DHX9: variants seen among roughly 807,000 people sequenced by gnomAD.
The protein encoded by DHX9 is DExH-box helicase 9.
DHX9 carries 27 observed loss-of-function variants against 148.7 expected under a neutral mutation model. That is an observed-to-expected ratio of 0.18 (90% CI 0.13 to 0.25). The LOEUF is 0.25. Among genes scored for constraint, DHX9 ranks in the 10% least tolerant of loss-of-function variants. DHX9 has a pLI of 1.00. For missense variants in DHX9, 796 were observed against 1,559.6 expected, an observed-to-expected ratio of 0.51 and a Z score of 8.25; for synonymous variants, 529 against 516.6, an observed-to-expected ratio of 1.02 and a Z score of -0.33.
chr1:182,872,107 A>G (rs1361977365), intron 14 of DHX9, among the ~76,000 whole-genome samples: 4 of 152,218 alleles, frequency 2.6e-5, no homozygotes, highest in Admixed American at 1.3e-4. Context: ...GGCCTGGCCA[A>G]TAGCACTCAT....
At chr1:182,841,308 A>G (rs1453652298) in intron 1 of DHX9, among the ~76,000 whole-genome samples, 4 of 152,154 alleles carry the variant, frequency 2.6e-5, no homozygotes. Context: ...AAAAGAGAGA[A>G]AAGACTAAAG....
In DHX9 at chr1:182,860,197, C is replaced by A. The variant is rs370848857; in HGVS notation, c.1332+13C>A. The A allele has an allele frequency of 1.3e-5, 20 of 1,559,874 alleles. No homozygotes were observed. Among genetic ancestry groups the A allele is most frequent in the Middle Eastern group, 1.7e-4 (1 of 5,878 alleles). ...CGTAGTAACTCAGGTAAGTGGTAAACCAACCATGAAATACCTAGAGAGCAG... is the reference window on the plus strand; with the variant it reads ...CGTAGTAACTCAGGTAAGTGGTAAAACAACCATGAAATACCTAGAGAGCAG... On this transcript the variant is annotated intron_variant, in intron 12 of 27. Transcript: ENST00000367549.
intron 5 of DHX9, 26 bp downstream of exon 5, chr1:182,853,444 C>T (rs775657037): frequency 1.3e-6 from 2 of 1,539,094 alleles, no homozygotes; most frequent in Admixed American, 1.8e-5. Flanking sequence ...TAGGTTACAT[C>T]TCTGAGAATG....
At chr1:182,852,043 G>C (rs544617834) in intron 3 of DHX9, among the ~76,000 whole-genome samples, 190 bp from the exon 4 acceptor site, 2 of 152,272 alleles carry the variant, frequency 1.3e-5, no homozygotes. Flanking sequence ...CAGTGGATTA[G>C]GGGAAACAAC....
intron 15 of DHX9, among the ~76,000 whole-genome samples, chr1:182,873,682 A>G (rs921022436): frequency 7.2e-5 from 11 of 152,346 alleles, no homozygotes; most frequent in African/African-American, 2.6e-4. Flanking sequence ...GTGTGGATAC[A>G]TGTGTTAGTA....
intron 14 of DHX9, among the ~76,000 whole-genome samples, chr1:182,867,910 CTT>C (rs1648373515): frequency 6.6e-6 from 1 of 152,194 alleles, no homozygotes; most frequent in African/African-American, 2.4e-5. Context: ...AGTATAGTGA[CTT>C]TCAAAGGTTT....
rs1279202399 is a variant in DHX9 at position 182,839,396 on chromosome 1, C to T, written c.-83C>T. The T allele has an allele frequency of 6.6e-6, 1 of 152,354 alleles. No homozygotes were observed. The allele number at this position is 152,354 out of a possible 1,614,324, so 9.4% of individuals were successfully genotyped here. A position where few individuals can be genotyped will look rare whatever the true frequency, so the allele number is the denominator to read the frequency against. ...GAGTTGCTGTGCGTTTCTCTGTTGT[C>T]TCGGTAGAAGGCCAGAGTCACACAC... On this transcript the variant is annotated 5_prime_UTR_variant, in exon 1 of 28. Coordinates refer to ENST00000367549, the MANE Select transcript of DHX9 (RefSeq NM_001357.5).
Position 182,876,516 on chromosome 1 carries a change from A to T in DHX9, c.2099A>T (p.Asp700Val). The change falls in exon 18 of 28, where the codon GAT becomes GTT. Residue 700 changes from aspartate (D) to valine (V), a missense_variant. Asp to Val is a radical substitution (Grantham distance 152, BLOSUM62 -3). Transcript: ENST00000367549. ...IPREEQRKVFDPVPVGVTKVI... is the reference protein window; with the variant it reads ...IPREEQRKVFVPVPVGVTKVI... Reference sequence around the variant, plus strand: ...CGAGAGGAACAGCGCAAAGTGTTTGATCCAGTACCAGTTGGAGTAACCAAG... The same window carrying T: ...CGAGAGGAACAGCGCAAAGTGTTTGTTCCAGTACCAGTTGGAGTAACCAAG... The T allele has an allele frequency of 6.2e-7, 1 of 1,612,444 alleles. No individual in the cohort carries two copies. The highest frequency in any genetic ancestry group is 8.5e-7 in the Non-Finnish European group (1 of 1,179,710).
chr1:182,878,952 A>G (rs1648954696), intron 20 of DHX9, among the ~76,000 whole-genome samples: 1 of 152,262 alleles, frequency 6.6e-6, no homozygotes, highest in Non-Finnish European at 1.5e-5. Flanking sequence ...GTCAACAGGC[A>G]AGGCCTGAAG....
Position 182,876,195 on chromosome 1 carries a change from T to G in DHX9, c.1961T>G (p.Leu654Trp). Residue 654 changes from leucine to tryptophan, a missense_variant, in exon 17 of 28, where the codon TTG becomes TGG. Leu to Trp is a moderately conservative substitution (Grantham distance 61). Transcript: ENST00000367549. ...ACCCTTAATGTTCCTGGAGCTGTGT[T>G]GGTTTTTTTGCCTGGCTGGAATCTG... ...IETLNVPGAV[L>W]VFLPGWNLIY... The G allele has an allele frequency of 6.2e-7, 1 of 1,614,016 alleles. No individual in the cohort carries two copies. The highest frequency in any genetic ancestry group is 8.5e-7 in the Non-Finnish European group (1 of 1,179,898).
chr1:182,845,176 G>A (rs919657131), intron 3 of DHX9, among the ~76,000 whole-genome samples: 7 of 152,192 alleles, frequency 4.6e-5, no homozygotes, highest in East Asian at 1.9e-4. Context: ...TAAAATGAAG[G>A]GATTGGGCAA....
At position 182,876,348 on chromosome 1, in the gene DHX9, T is replaced by G. The variant is rs928853856; in HGVS notation, c.2029+85T>G. On this transcript the variant is annotated intron_variant, in intron 17 of 27. Transcript: ENST00000367549. Reference sequence around the variant, plus strand: ...TTAGCCAGTATGTGAAAACAAAATTTTGTATTGTTTCTACTTTCGAATAAA... The same window carrying G: ...TTAGCCAGTATGTGAAAACAAAATTGTGTATTGTTTCTACTTTCGAATAAA... The G allele has an allele frequency of 3.2e-6, 5 of 1,564,068 alleles. No homozygotes were observed. In the African/African-American group the frequency reaches 4.1e-5, roughly 13 times the overall value.
rs776678307 is a variant in DHX9, at chr1:182,843,340, A to G, written c.158A>G (p.Asn53Ser). 6 of 1,610,262 alleles carry G rather than the reference A, an allele frequency of 3.7e-6. No homozygotes were observed. The highest frequency in any genetic ancestry group is 1.1e-5 in the South Asian group (1 of 90,384). The change falls in exon 3 of 28, where the codon AAT becomes AGT. Residue 53 changes from asparagine (N) to serine (S), a missense_variant. Transcript: ENST00000367549. The stretch of plus-strand genomic sequence containing the variant: ...TACACTGGCATGGGAAATTCCACCA[A>G]TAAAAAAGATGCACAAAGCAATGCT... ...YNYTGMGNST[N>S]KKDAQSNAAR...
intron 11 of DHX9, among the ~76,000 whole-genome samples, chr1:182,859,331 G>C (rs1389214372): frequency 1.3e-5 from 2 of 152,172 alleles, no homozygotes; most frequent in African/African-American, 4.8e-5. Context: ...AATAAAAGTG[G>C]AGAGATTTAA....
chr1:182,877,904 C>T (rs1468308695), intron 19 of DHX9, 117 bp from the exon 20 acceptor site: 1 of 1,123,300 alleles, frequency 8.9e-7, no homozygotes, highest in Non-Finnish European at 1.3e-6. Context: ...CATGAATAGA[C>T]ATCACAAGTA....
At position 182,877,096 on chromosome 1, in the gene DHX9, C is replaced by T. The variant is rs1471362976; in HGVS notation, c.2198+193C>T. 16 of 473,290 alleles carry T rather than the reference C, an allele frequency of 3.4e-5. 1 individual carries two copies. Among genetic ancestry groups the T allele is most frequent in the South Asian group, 1.3e-4 (4 of 30,008 alleles). 29.3% of individuals were successfully genotyped at this position (473,290 alleles called of 1,614,324 possible). A position where few individuals can be genotyped will look rare whatever the true frequency, so the allele number is the denominator to read the frequency against. On this transcript the variant is annotated intron_variant, in intron 19 of 27. Coordinates refer to ENST00000367549, the MANE Select transcript of DHX9 (RefSeq NM_001357.5). The stretch of plus-strand genomic sequence containing the variant: ...ATTGTTGATTACTGCAAATCAGTTA[C>T]GGTAGAAAGTGACAAAGCTTGAAAC...
intron 12 of DHX9, among the ~76,000 whole-genome samples, chr1:182,862,779 A>G (rs544489821): frequency 1.3e-5 from 2 of 152,256 alleles, no homozygotes; most frequent in African/African-American, 2.4e-5. Context: ...AGAGGTGTAC[A>G]TTAAAGGTAT....
intron 3 of DHX9, among the ~76,000 whole-genome samples, chr1:182,850,308 A>T (rs1490588647): frequency 6.6e-6 from 1 of 152,182 alleles, no homozygotes; most frequent in Non-Finnish European, 1.5e-5. Context: ...GTCTCAAAAA[A>T]AAGAAAAATG....
At chr1:182,841,071 CAAGAGGTCAG>C (rs572511361) in intron 1 of DHX9, among the ~76,000 whole-genome samples, 5 of 152,218 alleles carry the variant, frequency 3.3e-5, no homozygotes, top group Admixed American at 6.5e-5. Flanking sequence ...GCGGGCCGAT[CAAGAGGTCAG>C]GAGATCAAGA....
Sources: gnomAD v4.1 joint callset for allele counts (sites outside exome capture counted in the v4.1 genomes callset) on GRCh38, gnomAD v4.1.1 for gene constraint, MANE v1.5 for transcripts, NCBI Gene and HGNC (gene_info 2026-07-23, HGNC 2026-07-21) for gene names.